The following NHSL2 variants were observed in gnomAD, a reference collection of about 807,000 sequenced individuals.
The protein encoded by NHSL2 is NHS-like protein 2.
Under a neutral mutation model 53.4 loss-of-function variants are expected in NHSL2, and 27 were observed. The observed-to-expected ratio is 0.51, with a 90% CI of 0.37 to 0.70. The LOEUF is 0.70. Ranked by LOEUF, NHSL2 falls within the 30% of genes least tolerant of loss-of-function variation. The pLI is 0.00. For missense variants in NHSL2, 892 were observed against 980.1 expected (o/e 0.91, Z 1.20); for synonymous variants, 408 against 404.1 (o/e 1.01, Z -0.12).
intron 1 of NHSL2, among the ~76,000 whole-genome samples, chrX:72,091,233 C>T (rs1160990199): frequency 8.9e-6 from 1 of 112,072 alleles, no homozygotes; most frequent in Admixed American, 9.4e-5. Flanking sequence ...ACGGGTGGAT[C>T]ACCAGGTCAG....
chrX:72,130,082 C>T, intron 1 of NHSL2: 1 of 1,211,089 alleles, frequency 8.3e-7, no homozygotes, highest in Non-Finnish European at 1.1e-6. Context: ...GCGTGGTAAC[C>T]ACTTGTGGGG....
rs188951950 is a variant in NHSL2, at chrX:72,063,922, T to C, written c.281-68157T>C. The stretch of plus-strand genomic sequence containing the variant: ...CTGAGATCTGTAGAGAGGATATGGC[T>C]ATGCAGAGGTGAAGTCGATTCTGGC... On this transcript the variant is annotated intron_variant, in intron 1 of 7. Coordinates refer to ENST00000633930, the MANE Select transcript of NHSL2 (RefSeq NM_001013627.3). 4.7e-4 allele frequency among the ~76,000 whole-genome samples: 52 copies of C among 110,764 alleles called. 1 individual carries two copies. The East Asian group carries it at 0.015, about 31-fold the overall frequency.
Position 71,911,302 on chromosome X carries a change from C to T in NHSL2, c.215C>T (p.Thr72Ile), listed in dbSNP as rs375375333. The T allele has an allele frequency of 1.8e-6, 2 of 1,130,034 alleles. No individual in the cohort carries two copies. 93.1% of individuals were successfully genotyped at this position (1,130,034 alleles called of 1,213,427 possible). A position where few individuals can be genotyped will look rare whatever the true frequency, so the allele number is the denominator to read the frequency against. The stretch of plus-strand genomic sequence containing the variant: ...CGCACAGACAGCCTGTACCGGCGCA[C>T]CGTGCGCCTCCGCCGCCGCCTTCCC... ...GRRTDSLYRR[T>I]VRLRRRLPCR... The change falls in exon 1 of 8, where the codon ACC becomes ATC. Residue 72 changes from threonine to isoleucine, a missense_variant. Physicochemically the swap from Thr to Ile is moderately conservative, Grantham distance 89. Coordinates refer to ENST00000633930, the MANE Select transcript of NHSL2 (RefSeq NM_001013627.3).
At chrX:72,016,843 A>C (rs934331828) in intron 1 of NHSL2, among the ~76,000 whole-genome samples, 46 of 112,240 alleles carry the variant, frequency 4.1e-4, no homozygotes, top group African/African-American at 1.3e-3. Flanking sequence ...GATCACAAAC[A>C]AACCAACCCA....
At chrX:72,093,150 A>G (rs2041911909) in intron 1 of NHSL2, among the ~76,000 whole-genome samples, 1 of 112,689 alleles carries the variant, frequency 8.9e-6, no homozygotes, top group Non-Finnish European at 1.9e-5. Flanking sequence ...GGTACCACAA[A>G]TATGTCTACT....
In NHSL2 at chrX:72,147,000, G is replaced by A. The variant is rs1352154214; in HGVS notation, c.*3426G>A. 8.9e-6 allele frequency: 1 copy of A among 111,971 alleles called. No individual in the cohort carries two copies. Among genetic ancestry groups the A allele is most frequent in the Non-Finnish European group, 1.9e-5 (1 of 53,166 alleles). 9.2% of individuals were successfully genotyped at this position (111,971 alleles called of 1,213,427 possible). On this transcript the variant is annotated 3_prime_UTR_variant, in exon 8 of 8. Transcript: ENST00000633930. ...TTGATCTGGATAAATTACCTTGAAC[G>A]TGCAAAGACAGAGGAGATCCTACCA...
intron 1 of NHSL2, among the ~76,000 whole-genome samples, chrX:72,057,648 A>C (rs190114782): frequency 1.8e-5 from 2 of 111,885 alleles, no homozygotes; most frequent in East Asian, 5.6e-4. Flanking sequence ...TAAACCAGAG[A>C]TTTTCAGAGT....
At chrX:72,054,020 A>G (rs1030685213) in intron 1 of NHSL2, among the ~76,000 whole-genome samples, 1 of 111,180 alleles carries the variant, frequency 9.0e-6, no homozygotes, top group Admixed American at 9.6e-5. Flanking sequence ...GACTCCACCT[A>G]AGGACTTGGC....
At chrX:71,974,592 G>A (rs1176274813) in intron 1 of NHSL2, among the ~76,000 whole-genome samples, 1 of 111,851 alleles carries the variant, frequency 8.9e-6, no homozygotes, top group East Asian at 2.8e-4. Context: ...ATTTTTTATA[G>A]AGAAAAACTA....
intron 1 of NHSL2, among the ~76,000 whole-genome samples, chrX:72,093,565 T>C (rs1470375687): frequency 1.8e-5 from 2 of 112,379 alleles, no homozygotes; most frequent in Non-Finnish European, 3.8e-5. Context: ...AGGTATTCTA[T>C]AGGGTGGGTG....
chrX:71,965,903 T>C (rs947708016), intron 1 of NHSL2: 5 of 112,671 alleles, frequency 4.4e-5, no homozygotes, highest in Non-Finnish European at 9.4e-5. Context: ...ACTTTATTGA[T>C]GTATGACATA....
intron 1 of NHSL2, among the ~76,000 whole-genome samples, chrX:72,092,143 G>A (rs1330783801): frequency 1.8e-5 from 2 of 111,660 alleles, no homozygotes; most frequent in Non-Finnish European, 3.8e-5. Flanking sequence ...CGAGAACAAA[G>A]GTGTGCTTCC....
At chrX:72,134,749 C>G in intron 4 of NHSL2, 45 bp downstream of exon 4, 1 of 956,420 alleles carries the variant, frequency 1.0e-6, no homozygotes, top group East Asian at 3.4e-5. Context: ...CTTCATGCCT[C>G]TACAGACCAT....
chrX:71,945,132 T>A (rs2041786596), intron 1 of NHSL2, among the ~76,000 whole-genome samples: 1 of 110,971 alleles, frequency 9.0e-6, no homozygotes, highest in Non-Finnish European at 1.9e-5. Context: ...GTTGGGGGGG[T>A]CATCCGTTGG....
intron 1 of NHSL2, among the ~76,000 whole-genome samples, chrX:72,067,722 C>A (rs990375907): frequency 1.2e-4 from 14 of 112,042 alleles, no homozygotes; most frequent in African/African-American, 4.6e-4. Flanking sequence ...CTTTTCTGGC[C>A]TCAGATCGAT....
chrX:72,045,980 C>G (rs1028872619), intron 1 of NHSL2, among the ~76,000 whole-genome samples: 2 of 111,754 alleles, frequency 1.8e-5, no homozygotes, highest in African/African-American at 6.5e-5. Context: ...AACACCTAAA[C>G]AGAGCTGCAG....
intron 1 of NHSL2, among the ~76,000 whole-genome samples, chrX:72,049,980 G>A (rs986155419): frequency 9.4e-6 from 1 of 106,202 alleles, no homozygotes; most frequent in Admixed American, 1.0e-4. Context: ...TCTAGTTGTA[G>A]TTATAGTTCT....
intron 1 of NHSL2, among the ~76,000 whole-genome samples, chrX:71,952,685 G>A (rs2041826100): frequency 9.1e-6 from 1 of 110,460 alleles, no homozygotes; most frequent in South Asian, 4.0e-4. Context: ...ATCACATTGG[G>A]TATTGGGTTC....
At chrX:71,956,135 G>T (rs776348741) in intron 1 of NHSL2, among the ~76,000 whole-genome samples, 1 of 111,479 alleles carries the variant, frequency 9.0e-6, no homozygotes, top group South Asian at 3.8e-4. Flanking sequence ...TCAACATTTG[G>T]GTTCTCCCCA....
Sources: gnomAD v4.1 joint callset for allele counts (sites outside exome capture counted in the v4.1 genomes callset) on GRCh38, gnomAD v4.1.1 for gene constraint, MANE v1.5 for transcripts, NCBI Gene and HGNC (gene_info 2026-07-23, HGNC 2026-07-21) for gene names.